UCHL3: variants seen among roughly 807,000 people sequenced by gnomAD.
UCHL3 encodes ubiquitin carboxyl-terminal hydrolase isozyme L3.
A neutral mutation model predicts 35.8 loss-of-function variants in UCHL3; 22 were observed. That is an observed-to-expected ratio of 0.61 (90% confidence interval 0.44 to 0.88). The LOEUF is 0.88. UCHL3 is among the 40% of genes least tolerant of loss of function. The pLI is 0.00. For synonymous variants in UCHL3, 90 were observed against 92.8 expected, an observed-to-expected ratio of 0.97 and a Z score of 0.17; for missense variants, 229 against 276.9, an observed-to-expected ratio of 0.83 and a Z score of 1.23.
At chr13:75,558,007 C>A (rs771372005) in intron 2 of UCHL3, among the ~76,000 whole-genome samples, 1 of 147,382 alleles carries the variant, frequency 6.8e-6, no homozygotes, top group Non-Finnish European at 1.5e-5. Context: ...TGACCCTCTT[C>A]TCTACCCTTT....
At chr13:75,599,152 T>TG (rs61453475) in intron 7 of UCHL3, among the ~76,000 whole-genome samples, 4,857 of 123,210 alleles carry the variant, frequency 0.039, 101 homozygotes, top group Middle Eastern at 0.058. Context: ...TTTTTTTTTT[T>TG]GTAAATTGGG....
chr13:75,591,600 A>T (rs980072663), intron 6 of UCHL3, among the ~76,000 whole-genome samples: 11 of 152,186 alleles, frequency 7.2e-5, no homozygotes, highest in Admixed American at 5.9e-4. Context: ...GCTCCATATT[A>T]GTTCCATTGC....
In UCHL3 at chr13:75,605,745, G is replaced by A; in HGVS notation, c.626G>A (p.Cys209Tyr). 6.2e-7 allele frequency: 1 copy of A among 1,613,646 alleles called. No homozygotes were observed. Among genetic ancestry groups the A allele is most frequent in the Non-Finnish European group, 8.5e-7 (1 of 1,179,844 alleles). Residue 209 changes from cysteine (C) to tyrosine (Y), a missense_variant, in exon 9 of 9, where the codon TGC (cysteine) becomes TAC (tyrosine). Physicochemically the swap from Cys to Tyr is radical, Grantham distance 194. Transcript: ENST00000377595. Reference protein sequence around the residue: ...ETLLEDAIEVCKKFMERDPDE... With the variant: ...ETLLEDAIEVYKKFMERDPDE... ...CCTCCATAGGATGCCATAGAAGTTT[G>A]CAAGAAGTTTATGGAGCGCGACCCT... is the stretch of plus-strand genomic sequence containing the variant.
At chr13:75,598,299 G>T (rs572133426) in intron 7 of UCHL3, among the ~76,000 whole-genome samples, 3 of 152,252 alleles carry the variant, frequency 2.0e-5, no homozygotes, top group African/African-American at 7.2e-5. Flanking sequence ...TAAAACTTCG[G>T]TGTGTATTTT....
chr13:75,602,463 A>G (rs1000876416), intron 7 of UCHL3, among the ~76,000 whole-genome samples: 1 of 152,144 alleles, frequency 6.6e-6, no homozygotes, highest in African/African-American at 2.4e-5. Flanking sequence ...AGGTTACATG[A>G]CCCATGTACA....
At chr13:75,595,977 AAAAGAGAAGTTCTTTTCAGT>A (rs1225067910) in intron 7 of UCHL3, among the ~76,000 whole-genome samples, 1 of 152,104 alleles carries the variant, frequency 6.6e-6, no homozygotes, top group Non-Finnish European at 1.5e-5. Flanking sequence ...TAAACAACAA[AAAAGAGAAGTTCTTTTCAGT>A]AATTCTAGAT....
chr13:75,560,499 C>T (rs912013926), intron 2 of UCHL3, among the ~76,000 whole-genome samples: 4 of 152,152 alleles, frequency 2.6e-5, no homozygotes, highest in African/African-American at 9.7e-5. Context: ...TACCATTCTG[C>T]CCCCCTAGTT....
At chr13:75,572,422 T>G (rs1377702183) in intron 6 of UCHL3, among the ~76,000 whole-genome samples, 2 of 152,270 alleles carry the variant, frequency 1.3e-5, no homozygotes, top group Admixed American at 1.3e-4. Context: ...ATGTCATAGT[T>G]TACTTGGCGT....
intron 6 of UCHL3, among the ~76,000 whole-genome samples, chr13:75,573,970 T>C (rs1353756978): frequency 1.3e-5 from 2 of 152,106 alleles, no homozygotes; most frequent in African/African-American, 2.4e-5. Context: ...GTAATCCCAG[T>C]ACTTTGGGAG....
At chr13:75,577,884 G>T (rs1451657081) in intron 6 of UCHL3, among the ~76,000 whole-genome samples, 2 of 150,538 alleles carry the variant, frequency 1.3e-5, no homozygotes, top group Non-Finnish European at 2.9e-5. Context: ...CATATTAATT[G>T]AGGAGCCAGC....
intron 6 of UCHL3, among the ~76,000 whole-genome samples, chr13:75,594,103 C>G (rs1314673593): frequency 1.3e-5 from 2 of 152,166 alleles, no homozygotes; most frequent in Non-Finnish European, 2.9e-5. Flanking sequence ...TACTACATAT[C>G]ATAGGAAGTG....
intron 6 of UCHL3, among the ~76,000 whole-genome samples, chr13:75,577,387 A>G (rs914349113): frequency 5.3e-5 from 8 of 151,844 alleles, no homozygotes; most frequent in Non-Finnish European, 7.3e-5. Context: ...ATTAGGTATT[A>G]CAAGTAATCT....
At chr13:75,588,600 G>T (rs900689791) in intron 6 of UCHL3, among the ~76,000 whole-genome samples, 7 of 151,926 alleles carry the variant, frequency 4.6e-5, no homozygotes, top group African/African-American at 1.7e-4. Flanking sequence ...TTTTAACCCC[G>T]CATCAAAATG....
intron 6 of UCHL3, among the ~76,000 whole-genome samples, chr13:75,571,994 T>TCTTGG (rs2031874540): frequency 1.3e-5 from 2 of 151,640 alleles, no homozygotes; most frequent in African/African-American, 4.9e-5. Context: ...TCTTGTCTTG[T>TCTTGG]CTTGTCTTGT....
intron 6 of UCHL3, among the ~76,000 whole-genome samples, chr13:75,576,311 C>T (rs561491928): frequency 2.0e-5 from 3 of 152,310 alleles, no homozygotes; most frequent in Non-Finnish European, 2.9e-5. Flanking sequence ...CTCACTGCAA[C>T]GTCTGCCTCC....
At chr13:75,561,962 G>A (rs576792413) in intron 3 of UCHL3, among the ~76,000 whole-genome samples, 2 of 151,848 alleles carry the variant, frequency 1.3e-5, no homozygotes, top group South Asian at 4.2e-4. Context: ...TAGATTTTGA[G>A]GCTATATCCT....
intron 7 of UCHL3, among the ~76,000 whole-genome samples, chr13:75,601,579 ATTG>A (rs962699792): frequency 1.3e-5 from 2 of 152,176 alleles, no homozygotes; most frequent in African/African-American, 4.8e-5. Flanking sequence ...AGGTATGTAT[ATTG>A]TTTTCTTAGA....
rs1403554226 is a variant in UCHL3, at chr13:75,594,923, T to C, written c.483T>C (p.Ser161=). ...TTTCCCTCCTATTCCAGGCACCAAGTATAGATGAGAAAGTAGATCTTCATT... is the reference window on the plus strand; with the variant it reads ...TTTCCCTCCTATTCCAGGCACCAAGCATAGATGAGAAAGTAGATCTTCATT... The part of the protein sequence containing the change: ...SAHEGQTEAP[S]IDEKVDLHFI... The change falls in exon 7 of 9, where the codon AGT becomes AGC. Residue 161 remains serine (S), a synonymous_variant. Transcript: ENST00000377595. 2 of 1,607,020 alleles carry C rather than the reference T, an allele frequency of 1.2e-6. No homozygotes were observed. Among genetic ancestry groups the C allele is most frequent in the African/African-American group, 2.7e-5 (2 of 74,596 alleles).
At chr13:75,570,387 C>T (rs2031817256) in intron 6 of UCHL3, among the ~76,000 whole-genome samples, 1 of 152,144 alleles carries the variant, frequency 6.6e-6, no homozygotes, top group South Asian at 2.1e-4. Flanking sequence ...AGGCGCCCGC[C>T]ACCATGCCTG....
Sources: gnomAD v4.1 joint callset for allele counts (sites outside exome capture counted in the v4.1 genomes callset) on GRCh38, gnomAD v4.1.1 for gene constraint, MANE v1.5 for transcripts, NCBI Gene and HGNC (gene_info 2026-07-23, HGNC 2026-07-21) for gene names.